PSD3: variants seen among roughly 807,000 people sequenced by gnomAD.
The protein encoded by PSD3 is pleckstrin and Sec7 domain containing 3.
Under a neutral mutation model 105.5 loss-of-function variants are expected in PSD3, and 49 were observed. The ratio of observed to expected loss-of-function variants is 0.46; its 90% CI spans 0.37 to 0.59. The LOEUF is 0.59. PSD3 is among the 20% of genes least tolerant of loss of function. The pLI is 0.00. For synonymous variants in PSD3, 557 were observed against 457.8 expected (o/e 1.22, Z -2.77); for missense variants, 1,561 against 1,263.8 (o/e 1.24, Z -3.57).
chr8:18,732,984 C>T (rs930331569), intron 9 of PSD3: 1 of 152,116 alleles, frequency 6.6e-6, no homozygotes, highest in South Asian at 2.1e-4. Context: ...GACTCTTCAA[C>T]CAACGAAGGA....
In PSD3 at chr8:18,804,555, T is replaced by C. The variant is rs1384249433; in HGVS notation, c.1877A>G (p.Asp626Gly). The C allele has an allele frequency of 6.2e-7, 1 of 1,613,346 alleles. No homozygotes were observed. The highest frequency in any genetic ancestry group is 8.5e-7 in the Non-Finnish European group (1 of 1,179,472). The change falls in exon 6 of 16, where the codon GAT becomes GGT. Residue 626 changes from aspartate (D) to glycine (G), a missense_variant. By Grantham distance (94) the Asp-to-Gly change is moderately conservative (BLOSUM62 -1). Coordinates refer to ENST00000327040, the MANE Select transcript of PSD3 (RefSeq NM_015310.4). ...CTGATCCAGCGTCATTCCTGTAAAA[T>C]CAAAAAACTTCAGATATTCTTCTGC... is the stretch of plus-strand genomic sequence containing the variant. The part of the protein sequence containing the change: ...LVAEEYLKFF[D>G]FTGMTLDQSL...
intron 9 of PSD3, among the ~76,000 whole-genome samples, chr8:18,696,202 C>T (rs964438316): frequency 2.2e-4 from 33 of 152,214 alleles, no homozygotes; most frequent in African/African-American, 8.0e-4. Context: ...ATGGCATTGC[C>T]GTCCGTTCCT....
intron 11 of PSD3, among the ~76,000 whole-genome samples, chr8:18,626,305 G>A (rs1053955123): frequency 6.6e-6 from 1 of 151,642 alleles, no homozygotes; most frequent in Admixed American, 6.6e-5. Context: ...TGAGACAAGT[G>A]TATCAGCATT....
chr8:18,568,997 A>G (rs1035941295), intron 14 of PSD3, among the ~76,000 whole-genome samples: 1 of 143,164 alleles, frequency 7.0e-6, no homozygotes, highest in African/African-American at 2.6e-5. Context: ...GAGAATGATG[A>G]TTTCCAATTT....
At chr8:18,927,105 T>C (rs917668057) in intron 2 of PSD3, among the ~76,000 whole-genome samples, 1 of 152,148 alleles carries the variant, frequency 6.6e-6, no homozygotes, top group Non-Finnish European at 1.5e-5. Flanking sequence ...ATATGGTATG[T>C]ATGGGAAAAG....
Position 18,904,424 on chromosome 8 carries a change from C to T in PSD3, c.130+31610G>A, listed in dbSNP as rs113910987. Among the ~76,000 whole-genome samples, 3 of 152,130 alleles carry T rather than the reference C, an allele frequency of 2.0e-5. No individual in the cohort carries two copies. The East Asian group carries it at 5.8e-4, about 29-fold the overall frequency. On this transcript the variant is annotated intron_variant, in intron 2 of 15. Coordinates refer to ENST00000327040, the MANE Select transcript of PSD3 (RefSeq NM_015310.4). ...AAGATGGGGCTGCCCAAGGCTTCAG[C>T]GGATCACCCTTTGTACCAGTGTACC...
chr8:19,025,479 G>T (rs1360584886), intron 1 of PSD3, among the ~76,000 whole-genome samples: 1 of 152,102 alleles, frequency 6.6e-6, no homozygotes, highest in Non-Finnish European at 1.5e-5. Context: ...ACTCGTCCTT[G>T]AGTTTCTTGA....
chr8:18,922,685 T>C (rs952008985), intron 2 of PSD3, among the ~76,000 whole-genome samples: 7 of 152,126 alleles, frequency 4.6e-5, no homozygotes, highest in Non-Finnish European at 8.8e-5. Context: ...TCTAAAGCCG[T>C]AGGTTGTTTC....
chr8:18,921,595 A>G (rs1423915691), intron 2 of PSD3, among the ~76,000 whole-genome samples: 1 of 152,222 alleles, frequency 6.6e-6, no homozygotes, highest in Admixed American at 6.5e-5. Flanking sequence ...AAGAAAAAGA[A>G]CAAAAAAATG....
chr8:18,848,613 C>T (rs540335054), intron 4 of PSD3, among the ~76,000 whole-genome samples: 2 of 152,316 alleles, frequency 1.3e-5, no homozygotes, highest in South Asian at 2.1e-4. Flanking sequence ...TGTTCTCTCT[C>T]ATGTAGGGGT....
intron 10 of PSD3, among the ~76,000 whole-genome samples, chr8:18,653,855 T>A (rs1808699051): frequency 6.6e-6 from 1 of 152,226 alleles, no homozygotes; most frequent in Non-Finnish European, 1.5e-5. Flanking sequence ...ATCTTCAATG[T>A]ATTCTCTTGC....
chr8:18,631,964 T>C (rs949963931), intron 11 of PSD3, among the ~76,000 whole-genome samples: 1 of 152,050 alleles, frequency 6.6e-6, no homozygotes, highest in African/African-American at 2.4e-5. Flanking sequence ...CAAAGATTAT[T>C]CTAACTATAT....
At chr8:18,831,048 C>T (rs1218175752) in intron 4 of PSD3, among the ~76,000 whole-genome samples, 2 of 135,722 alleles carry the variant, frequency 1.5e-5, no homozygotes, top group South Asian at 2.2e-4. Flanking sequence ...CTTGTGACAC[C>T]GACCACCTTG....
chr8:19,011,784 A>C (rs1235021850), intron 1 of PSD3, among the ~76,000 whole-genome samples: 1 of 151,044 alleles, frequency 6.6e-6, no homozygotes, highest in African/African-American at 2.4e-5. Context: ...AAAAAAAAAC[A>C]ACAACAACAT....
intron 2 of PSD3, among the ~76,000 whole-genome samples, chr8:18,926,122 T>A (rs1310993804): frequency 6.6e-6 from 1 of 151,580 alleles, no homozygotes; most frequent in East Asian, 1.9e-4. Context: ...GTTTTTTTTT[T>A]TTACTGTTAA....
chr8:18,805,956 A>C (rs554456715), intron 4 of PSD3, among the ~76,000 whole-genome samples: 123 of 152,336 alleles, frequency 8.1e-4, no homozygotes, highest in African/African-American at 2.8e-3. Context: ...TCAAGGAAAA[A>C]TGACATTCAA....
chr8:18,791,631 A>G (rs1267193040), intron 8 of PSD3, among the ~76,000 whole-genome samples: 1 of 152,220 alleles, frequency 6.6e-6, no homozygotes, highest in Non-Finnish European at 1.5e-5. Context: ...AAACCCTAAC[A>G]GAAAACATAG....
chr8:18,957,082 A>G (rs1330469050), intron 1 of PSD3, among the ~76,000 whole-genome samples: 2 of 152,154 alleles, frequency 1.3e-5, no homozygotes, highest in Non-Finnish European at 2.9e-5. Context: ...ATTTAAGAGT[A>G]AACAATCGGC....
chr8:18,720,378 C>T (rs116244869), intron 9 of PSD3, among the ~76,000 whole-genome samples: 5,397 of 152,170 alleles, frequency 0.035, 297 homozygotes, highest in African/African-American at 0.12. Flanking sequence ...ATTGACAACA[C>T]ATTTTAATAA....
Sources: gnomAD v4.1 joint callset for allele counts (sites outside exome capture counted in the v4.1 genomes callset) on GRCh38, gnomAD v4.1.1 for gene constraint, MANE v1.5 for transcripts, NCBI Gene and HGNC (gene_info 2026-07-23, HGNC 2026-07-21) for gene names.